Variants in PEPD observed in about 807,000 individuals in gnomAD.
PEPD encodes xaa-Pro dipeptidase.
In PEPD, 53 loss-of-function variants were observed where a neutral mutation model predicts 60.7. The ratio of observed to expected loss-of-function variants is 0.87; its 90% confidence interval spans 0.70 to 1.10. The LOEUF is 1.10. Ranked by LOEUF, PEPD falls within the 50% of genes least tolerant of loss-of-function variation. The pLI, the probability that PEPD is intolerant of heterozygous loss-of-function variation, is 0.00. For missense variants in PEPD, 711 were observed against 711.9 expected (o/e 1.00, Z 0.01); for synonymous variants, 267 against 284.1 (o/e 0.94, Z 0.60).
rs370581692 is a variant in PEPD, at chr19:33,503,249, C to T, written c.330-2248G>A. On this transcript the variant is annotated intron_variant, in intron 3 of 14. Transcript: ENST00000244137. ...GCAACAACAAGGAGCACTGAGGGCC[C>T]GGGAGACGCTGGTCTCACCGTAATC... Among the ~76,000 whole-genome samples, 9 of 152,276 alleles carry T rather than the reference C, an allele frequency of 5.9e-5. No individual in the cohort carries two copies. In the South Asian group the frequency reaches 1.2e-3, roughly 21 times the overall value.
chr19:33,501,136 C>T lies in PEPD; in HGVS notation c.330-135G>A, dbSNP rs116240941. On this transcript the variant is annotated intron_variant, in intron 3 of 14. Coordinates refer to ENST00000244137, the MANE Select transcript of PEPD (RefSeq NM_000285.4). ...ACGGTCAGCACCCAGCACCCAGCAC[C>T]CGGCACCGAACAGGTCGGCCCAACA... The T allele has an allele frequency of 1.8e-3, 1,354 of 733,370 alleles. 16 individuals carry two copies. The African/African-American group carries it at 0.022, about 12-fold the overall frequency. The allele number at this position is 733,370 out of a possible 1,614,324, so 45.4% of individuals were successfully genotyped here.
intron 11 of PEPD, among the ~76,000 whole-genome samples, chr19:33,405,982 T>C (rs747750297): frequency 1.3e-5 from 2 of 152,168 alleles, no homozygotes; most frequent in Non-Finnish European, 2.9e-5. Flanking sequence ...GGAACTGGCA[T>C]TGCCATTTTA....
At chr19:33,495,203 G>GT (rs1307123511) in intron 4 of PEPD, among the ~76,000 whole-genome samples, 6 of 151,948 alleles carry the variant, frequency 3.9e-5, no homozygotes, top group African/African-American at 1.5e-4. Flanking sequence ...TCGCATACAA[G>GT]TATTTCCTTA....
intron 9 of PEPD, among the ~76,000 whole-genome samples, chr19:33,458,530 G>A (rs1969858027): frequency 6.7e-6 from 1 of 149,666 alleles, no homozygotes; most frequent in African/African-American, 2.5e-5. Flanking sequence ...TGATGTGTAT[G>A]TGTGGTGTGT....
intron 9 of PEPD, among the ~76,000 whole-genome samples, chr19:33,450,238 G>A (rs932402313): frequency 6.6e-6 from 1 of 152,212 alleles, no homozygotes; most frequent in African/African-American, 2.4e-5. Flanking sequence ...AGCAAGCCCC[G>A]GCTTGTGCCC....
intron 11 of PEPD, among the ~76,000 whole-genome samples, chr19:33,411,386 C>T (rs1324933314): frequency 6.6e-6 from 1 of 152,190 alleles, no homozygotes; most frequent in African/African-American, 2.4e-5. Context: ...ATGGTTCAGG[C>T]CCCCTCAGAG....
chr19:33,475,697 G>A (rs996799440), intron 7 of PEPD, among the ~76,000 whole-genome samples: 3 of 152,142 alleles, frequency 2.0e-5, no homozygotes, highest in Non-Finnish European at 4.4e-5. Context: ...AGCTGTAAGT[G>A]ACCACAAGGG....
intron 9 of PEPD, among the ~76,000 whole-genome samples, chr19:33,453,413 C>A (rs1355089821): frequency 6.6e-6 from 1 of 152,242 alleles, no homozygotes; most frequent in Non-Finnish European, 1.5e-5. Context: ...TGCATACAGG[C>A]ATGCCTCATC....
chr19:33,502,762 T>C (rs1426309866), intron 3 of PEPD, among the ~76,000 whole-genome samples: 1 of 152,190 alleles, frequency 6.6e-6, no homozygotes, highest in Non-Finnish European at 1.5e-5. Context: ...GAGAAGATTC[T>C]GTCACTAGGC....
chr19:33,427,169 C>T (rs529578847), intron 9 of PEPD, among the ~76,000 whole-genome samples: 135 of 152,306 alleles, frequency 8.9e-4, no homozygotes, highest in African/African-American at 3.1e-3. Context: ...GCAGTCACGC[C>T]GCCCCTACAG....
In PEPD at chr19:33,470,701, C is replaced by T. The variant is rs778651739; in HGVS notation, c.549-6639G>A. Among the ~76,000 whole-genome samples the T allele has an allele frequency of 1.3e-5, 2 of 152,156 alleles. 1 individual carries two copies. Among genetic ancestry groups the T allele is most frequent in the South Asian group, 4.1e-4 (2 of 4,830 alleles). On this transcript the variant is annotated intron_variant, in intron 7 of 14. Transcript: ENST00000244137. Reference sequence around the variant, plus strand: ...TCATCAAAGCTACCTGTCCTTCCACCGAAGCCAGACAACAGCTCATTTCCA... The same window carrying T: ...TCATCAAAGCTACCTGTCCTTCCACTGAAGCCAGACAACAGCTCATTTCCA...
intron 13 of PEPD, 57 bp from the exon 14 acceptor site, chr19:33,388,138 C>T (rs1233950397): frequency 1.4e-6 from 2 of 1,425,756 alleles, no homozygotes; most frequent in Non-Finnish European, 1.9e-6. Context: ...ACCGTGGCCT[C>T]ATCAGGAGAG....
At chr19:33,417,300 G>A (rs1232964588) in intron 9 of PEPD, among the ~76,000 whole-genome samples, 1 of 152,212 alleles carries the variant, frequency 6.6e-6, no homozygotes, top group Admixed American at 6.5e-5. Context: ...GCCGGAAACA[G>A]AAGCTTGGGA....
intron 6 of PEPD, among the ~76,000 whole-genome samples, chr19:33,482,254 A>G (rs1970324973): frequency 6.6e-6 from 1 of 152,218 alleles, no homozygotes; most frequent in Non-Finnish European, 1.5e-5. Flanking sequence ...ACCAAGTGGG[A>G]TTTTTTCCCA....
intron 11 of PEPD, among the ~76,000 whole-genome samples, chr19:33,406,692 CGCGATGGTGGCAGACAGACTCAG>C (rs1470607363): frequency 6.6e-6 from 1 of 152,192 alleles, no homozygotes; most frequent in African/African-American, 2.4e-5. Context: ...GGGTCCGCAG[CGCGATGGTGGCAGACAGACTCAG>C]GCTGAGTAGA....
chr19:33,403,495 C>A (rs1031052025), intron 11 of PEPD, among the ~76,000 whole-genome samples: 1 of 152,236 alleles, frequency 6.6e-6, no homozygotes, highest in African/African-American at 2.4e-5. Flanking sequence ...ACCCAAATCC[C>A]AGCTCTCACG....
chr19:33,464,146 A>C, intron 7 of PEPD, 84 bp from the exon 8 acceptor site: 1 of 950,022 alleles, frequency 1.1e-6, no homozygotes, highest in Non-Finnish European at 1.7e-6. Context: ...CTCAGGGCCT[A>C]CCACACCCTG....
intron 6 of PEPD, among the ~76,000 whole-genome samples, chr19:33,483,210 C>T (rs1970339171): frequency 6.6e-6 from 1 of 152,172 alleles, no homozygotes; most frequent in Non-Finnish European, 1.5e-5. Flanking sequence ...TCTAAACATA[C>T]ACAGCAGAAA....
At chr19:33,444,147 C>T (rs1247058224) in intron 9 of PEPD, among the ~76,000 whole-genome samples, 1 of 152,108 alleles carries the variant, frequency 6.6e-6, no homozygotes, top group Non-Finnish European at 1.5e-5. Context: ...ATCACACGCA[C>T]ATGCACACAC....
Sources: allele counts gnomAD v4.1 joint callset (sites outside exome capture counted in the v4.1 genomes callset), GRCh38; gene constraint gnomAD v4.1.1; transcripts MANE v1.5; gene names NCBI Gene and HGNC (gene_info 2026-07-23, HGNC 2026-07-21).